OR10R2: variants seen among roughly 807,000 people sequenced by gnomAD.
The protein encoded by OR10R2 is olfactory receptor 10R2.
A neutral mutation model predicts 2.4 loss-of-function variants in OR10R2; 1 was observed. The ratio of observed to expected loss-of-function variants is 0.41; its 90% confidence interval spans 0.15 to 1.95. The LOEUF (loss-of-function observed/expected upper bound fraction) is 1.95. Among genes scored for constraint, OR10R2 ranks in the 30% most tolerant of loss-of-function variants. OR10R2 has a pLI of 0.30. For missense variants in OR10R2, 419 were observed against 373.0 expected, an observed-to-expected ratio of 1.12 and a Z score of -1.01; for synonymous variants, 166 against 144.8, an observed-to-expected ratio of 1.15 and a Z score of -1.05.
intron 1 of OR10R2, among the ~76,000 whole-genome samples, chr1:158,479,146 T>C (rs543731166): frequency 6.6e-6 from 1 of 152,228 alleles, no homozygotes; most frequent in East Asian, 1.9e-4. Flanking sequence ...ATGGTGACAA[T>C]TAAATGGATC....
In OR10R2 at chr1:158,480,344, T is replaced by TGAGCTGGCAGGTGTGTGGA. The variant is rs1656366423; in HGVS notation, c.435_453dup (p.Lys152GlufsTer34). 6.2e-7 allele frequency: 1 copy of TGAGCTGGCAGGTGTGTGGA among 1,614,072 alleles called. No homozygotes were observed. Among genetic ancestry groups the TGAGCTGGCAGGTGTGTGGA allele is most frequent in the East Asian group, 2.2e-5 (1 of 44,880 alleles). On this transcript the variant is annotated frameshift_variant, in exon 2 of 2. Coordinates refer to ENST00000641067, the Ensembl canonical transcript of OR10R2. LOFTEE classifies it low-confidence loss of function (END_TRUNC). ...CACCCTCTGCATTACCCCACTCTTA[T>TGAGCTGGCAGGTGTGTGGA]GAGCTGGCAGGTGTGTGGAAAACTG...
At chr1:158,477,332 G>A (rs539308588) in intron 1 of OR10R2, among the ~76,000 whole-genome samples, 19 of 152,162 alleles carry the variant, frequency 1.2e-4, no homozygotes, top group African/African-American at 4.6e-4. Flanking sequence ...GAAATTAAAG[G>A]CATCCAAATA....
chr1:158,473,122 A>G (rs1025825517), intron 1 of OR10R2, among the ~76,000 whole-genome samples: 2 of 152,222 alleles, frequency 1.3e-5, no homozygotes, highest in African/African-American at 4.8e-5. Context: ...TACCAACTAC[A>G]TGAAAAATAC....
At chr1:158,476,176 T>G (rs1476943774) in intron 1 of OR10R2, among the ~76,000 whole-genome samples, 1 of 152,080 alleles carries the variant, frequency 6.6e-6, no homozygotes, top group South Asian at 2.1e-4. Context: ...TTCAAAAATA[T>G]GATTTTCGTA....
intron 1 of OR10R2, among the ~76,000 whole-genome samples, chr1:158,478,805 A>C (rs1466009761): frequency 6.6e-6 from 1 of 152,168 alleles, no homozygotes; most frequent in Non-Finnish European, 1.5e-5. Context: ...ACAGATAATT[A>C]GTCATAATCT....
chr1:158,472,933 T>C (rs1656191290), intron 1 of OR10R2, among the ~76,000 whole-genome samples: 1 of 152,210 alleles, frequency 6.6e-6, no homozygotes, highest in Non-Finnish European at 1.5e-5. Context: ...ATTTTTTACT[T>C]ATGTTGTCCA....
In OR10R2 at chr1:158,479,881, C is replaced by A. The variant is rs773738991; in HGVS notation, c.28-57C>A. ...CCTGAAAGGAACAAAGGAGTGCATG[C>A]CCCAAATTCTTATATTCACATACCT... On this transcript the variant is annotated intron_variant, in intron 1 of 1. Transcript: ENST00000641067. 2.4e-5 allele frequency: 39 copies of A among 1,594,126 alleles called. No homozygotes were observed. In the Admixed American group the frequency reaches 6.7e-4, roughly 27 times the overall value.
exon 1 of OR10R2, chr1:158,472,267 AG>A (rs1656180069): frequency 2.5e-6 from 1 of 398,836 alleles, no homozygotes; most frequent in African/African-American, 2.1e-5. Context: ...CCAGAAAAAA[AG>A]CTCCTTAATT....
chr1:158,473,776 C>CT (rs749466070), intron 1 of OR10R2, among the ~76,000 whole-genome samples: 5,346 of 73,722 alleles, frequency 0.073, 693 homozygotes, highest in Middle Eastern at 0.13. Context: ...TCCTTCCTTC[C>CT]TCCCTCCTTC....
exon 2 of OR10R2, chr1:158,480,287 T>A: frequency 6.2e-7 from 1 of 1,614,144 alleles, no homozygotes; most frequent in Non-Finnish European, 8.5e-7. Context: ...CTATTGGGTG[T>A]GATGGGTTAT....
intron 1 of OR10R2, among the ~76,000 whole-genome samples, chr1:158,476,472 C>T (rs1458316469): frequency 2.0e-5 from 3 of 146,466 alleles, no homozygotes; most frequent in Admixed American, 7.0e-5. Flanking sequence ...TGCTTGAACC[C>T]GGGAGGCGGA....
exon 2 of OR10R2, chr1:158,480,487 G>C (rs1406358426): frequency 6.2e-7 from 1 of 1,613,514 alleles, no homozygotes. Context: ...CATCTCAGCA[G>C]TCATTCTTCT....
chr1:158,474,027 C>CTTCT lies in OR10R2; in HGVS notation c.27+1692_27+1695dup, dbSNP rs368266313. Among the ~76,000 whole-genome samples the CTTCT allele has an allele frequency of 2.9e-3, 419 of 144,706 alleles. 1 individual carries two copies. The highest frequency in any genetic ancestry group is 9.6e-3 in the African/African-American group (378 of 39,324). The allele number at this position is 144,706 out of a possible 152,430, so 94.9% of individuals were successfully genotyped here. A position where few individuals can be genotyped will look rare whatever the true frequency, so the allele number is the denominator to read the frequency against. Reference sequence around the variant, plus strand: ...CATTTCTCCCTTTCTTCCTCTCTTTCTTCTTTCTTTCTTTCTTTCTAAGAA... The same window carrying CTTCT: ...CATTTCTCCCTTTCTTCCTCTCTTTCTTCTTTCTTTCTTTCTTTCTTTCTAAGAA... On this transcript the variant is annotated intron_variant, in intron 1 of 1. Coordinates refer to ENST00000641067, the Ensembl canonical transcript of OR10R2.
At chr1:158,480,412 G>C in exon 2 of OR10R2, 1 of 1,614,078 alleles carries the variant, frequency 6.2e-7, no homozygotes, top group Non-Finnish European at 8.5e-7. Context: ...CTCTCTTACA[G>C]TAGTAAATTT....
At chr1:158,476,547 C>A (rs1461251465) in intron 1 of OR10R2, among the ~76,000 whole-genome samples, 206 of 109,964 alleles carry the variant, frequency 1.9e-3, no homozygotes, top group South Asian at 4.6e-3. Flanking sequence ...GACTCCATCT[C>A]AAAAAAAAAA....
At chr1:158,472,260 GA>G in exon 1 of OR10R2, 2 of 398,792 alleles carry the variant, frequency 5.0e-6, no homozygotes, top group East Asian at 3.6e-5. Context: ...ATGTGAACCA[GA>G]AAAAAAGCTC....
At chr1:158,473,558 G>A (rs746048160) in intron 1 of OR10R2, among the ~76,000 whole-genome samples, 1 of 152,188 alleles carries the variant, frequency 6.6e-6, no homozygotes, top group Non-Finnish European at 1.5e-5. Flanking sequence ...CCCTAACACA[G>A]GAAAAGGCAT....
chr1:158,475,022 T>C (rs1023238163), intron 1 of OR10R2, among the ~76,000 whole-genome samples: 1 of 152,166 alleles, frequency 6.6e-6, no homozygotes, highest in Non-Finnish European at 1.5e-5. Context: ...CAGCACTCTA[T>C]ATAAATTAAT....
At chr1:158,474,027 CTTCT>C (rs368266313) in intron 1 of OR10R2, among the ~76,000 whole-genome samples, 2,220 of 144,700 alleles carry the variant, frequency 0.015, 48 homozygotes, top group African/African-American at 0.051. Flanking sequence ...TCCTCTCTTT[CTTCT>C]TTCTTTCTTT....
Sources: gnomAD v4.1 joint callset for allele counts (sites outside exome capture counted in the v4.1 genomes callset) on GRCh38, gnomAD v4.1.1 for gene constraint, MANE v1.5 for transcripts, NCBI Gene and HGNC (gene_info 2026-07-23, HGNC 2026-07-21) for gene names.